The following A2M variants were observed in gnomAD, a reference collection of about 807,000 sequenced individuals.
A2M encodes alpha-2-macroglobulin.
A neutral mutation model predicts 183.9 loss-of-function variants in A2M; 128 were observed. The observed-to-expected ratio is 0.70, with a 90% confidence interval of 0.60 to 0.81. The LOEUF (loss-of-function observed/expected upper bound fraction) is 0.81, where lower values mean the gene tolerates loss of function less well. Among genes scored for constraint, A2M ranks in the 30% least tolerant of loss-of-function variants. The probability of loss-of-function intolerance (pLI) is 0.00; values close to 1 mark genes in which losing one functional copy is unlikely to be tolerated. For synonymous variants in A2M, 592 were observed against 670.8 expected, an observed-to-expected ratio of 0.88 and a Z score of 1.81; for missense variants, 1,495 against 1,787.6, an observed-to-expected ratio of 0.84 and a Z score of 2.95.
chr12:9,082,362 C>G (rs774218495), intron 22 of A2M, among the ~76,000 whole-genome samples: 1 of 152,138 alleles, frequency 6.6e-6, no homozygotes, highest in African/African-American at 2.4e-5. Context: ...ATTGTAGTAC[C>G]CAGCCAGCAG....
At chr12:9,082,119 C>A (rs981288118) in intron 22 of A2M, among the ~76,000 whole-genome samples, 14 of 152,142 alleles carry the variant, frequency 9.2e-5, no homozygotes, top group African/African-American at 3.4e-4. Flanking sequence ...ACCTGGGAGT[C>A]TAAAGGGTAG....
At chr12:9,086,750 C>G (rs1949062684) in intron 22 of A2M, among the ~76,000 whole-genome samples, 1 of 152,158 alleles carries the variant, frequency 6.6e-6, no homozygotes, top group Admixed American at 6.5e-5. Context: ...CCCACTGCCA[C>G]CATTTATTTT....
chr12:9,098,886 G>A (rs1949469009), intron 14 of A2M, 130 bp from the exon 15 acceptor site: 1 of 959,756 alleles, frequency 1.0e-6, no homozygotes, highest in Non-Finnish European at 1.5e-6. Flanking sequence ...GGTTGGCATT[G>A]TGTCAATCCT....
chr12:9,087,362 A>G (rs1370722996), intron 22 of A2M, among the ~76,000 whole-genome samples: 1 of 152,202 alleles, frequency 6.6e-6, no homozygotes, highest in Non-Finnish European at 1.5e-5. Flanking sequence ...TTATGGCAGC[A>G]TGATTAAATC....
At chr12:9,080,415 A>G in intron 22 of A2M, 1 of 296,206 alleles carries the variant, frequency 3.4e-6, no homozygotes, top group East Asian at 6.0e-5. Flanking sequence ...TCGCATGCCA[A>G]ATAAGACAAC....
In A2M at chr12:9,076,835, G is replaced by T. The variant is rs1471523961; in HGVS notation, c.3453C>A (p.Ala1151=). Residue 1151 remains alanine (A), a synonymous_variant, in exon 28 of 36, where the codon GCC becomes GCA. Coordinates refer to ENST00000318602, the MANE Select transcript of A2M (RefSeq NM_000014.6). ...GGTTACCTGCCAGGGCAAAAGCATA[G>T]GCCAGCAGTGCTTTGGTATATACAT... The part of the protein sequence containing the change: ...GSHVYTKALL[A]YAFALAGNQD... 6.2e-7 allele frequency: 1 copy of T among 1,614,010 alleles called. No individual in the cohort carries two copies.
intron 15 of A2M, chr12:9,098,391 T>C: frequency 3.6e-6 from 1 of 274,362 alleles, no homozygotes; most frequent in Admixed American, 5.3e-5. Flanking sequence ...ATTCAATATA[T>C]TGTATTTTGT....
intron 32 of A2M, 140 bp downstream of exon 32, chr12:9,070,348 A>T (rs1948532484): frequency 1.5e-6 from 1 of 650,328 alleles, no homozygotes; most frequent in Non-Finnish European, 2.7e-6. Context: ...AACACATGTG[A>T]TTATATTTCT....
rs1208983351 is a variant in A2M at position 9,080,101 on chromosome 12, T to C, written c.2847A>G (p.Ser949=). The C allele has an allele frequency of 2.5e-6, 4 of 1,584,484 alleles. No individual in the cohort carries two copies. Among genetic ancestry groups the C allele is most frequent in the African/African-American group, 2.7e-5 (2 of 74,310 alleles). The change falls in exon 23 of 36, where the codon TCA becomes TCG. Residue 949 remains serine (S), a synonymous_variant. Transcript: ENST00000318602. Reference sequence around the variant, plus strand: ...TAGGGGCTGGAGACTCACCCAAAACTGAGACAGAAGCTCGGGCAGATTCTT... The same window carrying C: ...TAGGGGCTGGAGACTCACCCAAAACCGAGACAGAAGCTCGGGCAGATTCTT... ...VVEESARASV[S]VLGDILGSAM...
At chr12:9,116,046 T>C (rs1013064894), upstream of A2M, 1 of 612,938 alleles carries the variant, frequency 1.6e-6, no homozygotes, top group Non-Finnish European at 3.0e-6. Flanking sequence ...GATGGCCTAT[T>C]TATAGTCAAG....
At chr12:9,114,982 A>T (rs1183697493) in intron 1 of A2M, among the ~76,000 whole-genome samples, 1 of 152,168 alleles carries the variant, frequency 6.6e-6, no homozygotes, top group Non-Finnish European at 1.5e-5. Flanking sequence ...CCCCCAGTGA[A>T]TTTATGCATC....
intron 32 of A2M, among the ~76,000 whole-genome samples, 185 bp from the exon 33 acceptor site, chr12:9,069,998 C>A (rs751987620): frequency 2.0e-5 from 3 of 152,294 alleles, no homozygotes; most frequent in African/African-American, 7.2e-5. Context: ...ATTAGTATAA[C>A]ACACGACTAA....
At chr12:9,091,478 C>A in intron 18 of A2M, 49 bp from the exon 19 acceptor site, 5 of 1,587,810 alleles carry the variant, frequency 3.1e-6, no homozygotes, top group Non-Finnish European at 4.3e-6. Context: ...TTAAATACAT[C>A]CTTTCTAGGG....
chr12:9,069,389 A>G (rs1054775757), intron 33 of A2M, among the ~76,000 whole-genome samples: 1 of 151,934 alleles, frequency 6.6e-6, no homozygotes, highest in Non-Finnish European at 1.5e-5. Flanking sequence ...TTTCCCTTTC[A>G]TATTGTTGTT....
At position 9,077,356 on chromosome 12, in the gene A2M, A is replaced by G. The variant is rs1471118707; in HGVS notation, c.3341T>C (p.Leu1114Pro). Residue 1114 changes from leucine to proline, a missense_variant, in exon 27 of 36, where the codon CTC becomes CCC. Coordinates refer to ENST00000318602, the MANE Select transcript of A2M (RefSeq NM_000014.6). ...TGGGGTGGTACCTACAGTGACTGTG[A>G]GAGGAATCTCCAGAAGGGCGATGGT... ...YITIALLEIP[L>P]TVTHPVVRNA... is the part of the protein sequence containing the mutation. 6.2e-7 allele frequency: 1 copy of G among 1,613,326 alleles called. No homozygotes were observed. Among genetic ancestry groups the G allele is most frequent in the Non-Finnish European group, 8.5e-7 (1 of 1,179,640 alleles).
chr12:9,113,897 C>A (rs974437019), intron 1 of A2M, among the ~76,000 whole-genome samples: 3 of 152,174 alleles, frequency 2.0e-5, no homozygotes, highest in African/African-American at 7.2e-5. Context: ...AAAAAGTAAG[C>A]AAGCTCTCAG....
rs79317435 is a variant in A2M at position 9,082,264 on chromosome 12, C to T, written c.2771-2087G>A. On this transcript the variant is annotated intron_variant, in intron 22 of 35. Coordinates refer to ENST00000318602, the MANE Select transcript of A2M (RefSeq NM_000014.6). ...AACAACTCTACCTAACCTCACAGCC[C>T]GGATTGTGACCCTGCCTAACTTCAG... Among the ~76,000 whole-genome samples the T allele has an allele frequency of 4.2e-3, 637 of 152,284 alleles. 7 individuals are homozygous for T. The highest frequency in any genetic ancestry group is 0.014 in the Middle Eastern group (4 of 294).
In A2M at chr12:9,101,467, T is replaced by C; in HGVS notation, c.1474A>G (p.Lys492Glu). 1.2e-6 allele frequency: 2 copies of C among 1,613,708 alleles called. No homozygotes were observed. The highest frequency in any genetic ancestry group is 1.7e-6 in the Non-Finnish European group (2 of 1,179,750). The change falls in exon 12 of 36, where the codon AAG becomes GAG. Residue 492 changes from lysine (K) to glutamate (E), a missense_variant. By Grantham distance (56) the Lys-to-Glu change is moderately conservative (BLOSUM62 1). Transcript: ENST00000318602. The stretch of plus-strand genomic sequence containing the variant: ...CTCACCAGATAATAGAAGGAGAGCT[T>C]CTTCAGCCCCAGCAGGGTGCCTCCA... ...LNGGTLLGLK[K>E]LSFYYLIMAK...
At chr12:9,068,956 T>C in intron 33 of A2M, 114 bp from the exon 34 acceptor site, 1 of 629,746 alleles carries the variant, frequency 1.6e-6, no homozygotes. Flanking sequence ...TACAGCACAC[T>C]ATAGGGTCCT....
Sources: gnomAD v4.1 joint callset for allele counts (sites outside exome capture counted in the v4.1 genomes callset) on GRCh38, gnomAD v4.1.1 for gene constraint, MANE v1.5 for transcripts, NCBI Gene and HGNC (gene_info 2026-07-23, HGNC 2026-07-21) for gene names.